The following JARID2 variants were observed in gnomAD, a reference collection of about 807,000 sequenced individuals.
The protein encoded by JARID2 is jumonji and AT-rich interaction domain containing 2.
Under a neutral mutation model 125.6 loss-of-function variants are expected in JARID2, and 21 were observed. That is an observed-to-expected ratio of 0.17 (90% CI 0.12 to 0.24). JARID2 has a LOEUF of 0.24. Among genes scored for constraint, JARID2 ranks in the 10% least tolerant of loss-of-function variants. The pLI is 1.00. For synonymous variants in JARID2, 736 were observed against 661.6 expected (o/e 1.11, Z -1.73); for missense variants, 1,303 against 1,639.6 (o/e 0.79, Z 3.55).
At chr6:15,370,377 T>C (rs1172956811) in intron 1 of JARID2, among the ~76,000 whole-genome samples, 3 of 147,942 alleles carry the variant, frequency 2.0e-5, no homozygotes, top group Admixed American at 6.8e-5. Flanking sequence ...TCACCCAGGC[T>C]GTAGTGTGCA....
intron 11 of JARID2, among the ~76,000 whole-genome samples, chr6:15,507,810 GT>G (rs531925246): frequency 4.3e-4 from 66 of 152,326 alleles, no homozygotes; most frequent in African/African-American, 1.3e-3. Context: ...AAGCCAAGGG[GT>G]CATGGAGGTT....
intron 14 of JARID2, 128 bp from the exon 15 acceptor site, chr6:15,512,787 G>A: frequency 2.0e-6 from 2 of 997,372 alleles, no homozygotes; most frequent in South Asian, 1.6e-5. Flanking sequence ...GTTTTGAAGA[G>A]TTTTTAATCT....
chr6:15,257,202 T>A (rs1759698942), intron 1 of JARID2, among the ~76,000 whole-genome samples: 1 of 152,202 alleles, frequency 6.6e-6, no homozygotes, highest in Admixed American at 6.5e-5. Flanking sequence ...ATTGATTCAT[T>A]TTCATGGAAA....
chr6:15,300,735 G>C (rs1434830759), intron 1 of JARID2, among the ~76,000 whole-genome samples: 1 of 150,240 alleles, frequency 6.7e-6, no homozygotes, highest in Non-Finnish European at 1.5e-5. Flanking sequence ...GAGAGAGAGA[G>C]AGAGAGAGAG....
chr6:15,267,872 G>C (rs949047965), intron 1 of JARID2, among the ~76,000 whole-genome samples: 12 of 152,080 alleles, frequency 7.9e-5, no homozygotes, highest in African/African-American at 2.9e-4. Context: ...ACTGCATTCA[G>C]CGGAGGATTT....
At position 15,308,292 on chromosome 6, in the gene JARID2, C is replaced by T. The variant is rs868788402; in HGVS notation, c.45+61708C>T. On this transcript the variant is annotated intron_variant, in intron 1 of 17. Transcript: ENST00000341776. ...TATAAATGAACTTTTAGAAGGTGGGCGATTTGAAAGTGATTCTGTGTGGAA... is the reference window on the plus strand; with the variant it reads ...TATAAATGAACTTTTAGAAGGTGGGTGATTTGAAAGTGATTCTGTGTGGAA... Among the ~76,000 whole-genome samples the T allele has an allele frequency of 3.2e-4, 48 of 152,172 alleles. 1 individual carries two copies. Among genetic ancestry groups the T allele is most frequent in the African/African-American group, 1.0e-3 (43 of 41,502 alleles).
At chr6:15,321,204 A>G (rs998027250) in intron 1 of JARID2, among the ~76,000 whole-genome samples, 1 of 152,180 alleles carries the variant, frequency 6.6e-6, no homozygotes, top group Non-Finnish European at 1.5e-5. Context: ...TATATACTAT[A>G]TATCAGTATA....
rs546732897 is a variant in JARID2 at position 15,473,838 on chromosome 6, T to C, written c.670+5120T>C. Among the ~76,000 whole-genome samples, 311 of 152,330 alleles carry C rather than the reference T, an allele frequency of 2.0e-3. 1 individual carries two copies. The highest frequency in any genetic ancestry group is 3.5e-3 in the Non-Finnish European group (235 of 68,032). On this transcript the variant is annotated intron_variant, in intron 5 of 17. Transcript: ENST00000341776. The stretch of plus-strand genomic sequence containing the variant: ...TCCACAGGATGTCAGTGCTTCCTTA[T>C]GACGCCAGTGGAGGGAATGGAATAA...
At chr6:15,311,826 A>G (rs1260650275) in intron 1 of JARID2, among the ~76,000 whole-genome samples, 1 of 152,012 alleles carries the variant, frequency 6.6e-6, no homozygotes, top group Non-Finnish European at 1.5e-5. Flanking sequence ...TTGTATTGTA[A>G]AATATTCTTT....
chr6:15,318,071 A>C (rs1291212271), intron 1 of JARID2, among the ~76,000 whole-genome samples: 1 of 152,210 alleles, frequency 6.6e-6, no homozygotes, highest in African/African-American at 2.4e-5. Flanking sequence ...TGATTAAAGC[A>C]TGGTGGCGCA....
intron 3 of JARID2, among the ~76,000 whole-genome samples, chr6:15,439,946 A>T (rs1351615118): frequency 6.6e-6 from 1 of 152,224 alleles, no homozygotes; most frequent in Non-Finnish European, 1.5e-5. Flanking sequence ...ACTCTGAGGC[A>T]CATGTGTTAA....
At chr6:15,254,701 C>T (rs1369060355) in intron 1 of JARID2, among the ~76,000 whole-genome samples, 3 of 152,140 alleles carry the variant, frequency 2.0e-5, no homozygotes, top group Non-Finnish European at 4.4e-5. Flanking sequence ...GAAATATTAT[C>T]AACAGCAGTG....
intron 1 of JARID2, among the ~76,000 whole-genome samples, chr6:15,309,962 T>C (rs1317580135): frequency 6.6e-6 from 1 of 152,038 alleles, no homozygotes; most frequent in African/African-American, 2.4e-5. Context: ...ACAAAAAAAA[T>C]GGTACCTAGA....
At chr6:15,377,262 G>C (rs1022595632) in intron 2 of JARID2, among the ~76,000 whole-genome samples, 7 of 152,152 alleles carry the variant, frequency 4.6e-5, no homozygotes, top group Non-Finnish European at 8.8e-5. Flanking sequence ...CATGGAGGGA[G>C]GTGAAAAGCA....
chr6:15,497,963 C>T (rs1222887334), intron 7 of JARID2, among the ~76,000 whole-genome samples: 5 of 152,190 alleles, frequency 3.3e-5, no homozygotes, highest in African/African-American at 4.8e-5. Context: ...GTCTTCATCT[C>T]CTCTCCTTAG....
chr6:15,321,338 C>G (rs945595482), intron 1 of JARID2, among the ~76,000 whole-genome samples: 11 of 152,170 alleles, frequency 7.2e-5, no homozygotes, highest in African/African-American at 2.2e-4. Context: ...GTAACTAAGG[C>G]TAACTATGAA....
intron 3 of JARID2, among the ~76,000 whole-genome samples, chr6:15,435,509 C>G (rs1442035218): frequency 2.0e-5 from 3 of 152,280 alleles, no homozygotes; most frequent in African/African-American, 4.8e-5. Flanking sequence ...CTAGGGAAAT[C>G]AAGTTCAGGT....
At chr6:15,471,469 G>GA (rs887577472) in intron 5 of JARID2, among the ~76,000 whole-genome samples, 2 of 152,152 alleles carry the variant, frequency 1.3e-5, no homozygotes, top group Non-Finnish European at 2.9e-5. Flanking sequence ...CTGTATGATA[G>GA]AAATCTGTTT....
chr6:15,486,819 T>TTTTTTG (rs1554142905), intron 5 of JARID2, among the ~76,000 whole-genome samples: 1 of 149,166 alleles, frequency 6.7e-6, no homozygotes, highest in Non-Finnish European at 1.5e-5. Flanking sequence ...TTTTTTTTTT[T>TTTTTTG]TTTTTGAGAC....
Sources: allele counts gnomAD v4.1 joint callset (sites outside exome capture counted in the v4.1 genomes callset), GRCh38; gene constraint gnomAD v4.1.1; transcripts MANE v1.5; gene names NCBI Gene and HGNC (gene_info 2026-07-23, HGNC 2026-07-21).